The following SPAG17 variants were observed in gnomAD, a reference collection of about 807,000 sequenced individuals.
The protein encoded by SPAG17 is sperm-associated antigen 17.
SPAG17 carries 169 observed loss-of-function variants against 273.6 expected under a neutral mutation model. The observed-to-expected ratio is 0.62, with a 90% CI of 0.55 to 0.70. The LOEUF (loss-of-function observed/expected upper bound fraction) is 0.70. Ranked by LOEUF, SPAG17 falls within the 30% of genes least tolerant of loss-of-function variation. The pLI is 0.00. For missense variants in SPAG17, 2,557 were observed against 2,627.8 expected (o/e 0.97, Z 0.59); for synonymous variants, 825 against 873.2 (o/e 0.94, Z 0.97).
intron 30 of SPAG17, among the ~76,000 whole-genome samples, chr1:118,011,962 A>C (rs991030349): frequency 2.6e-5 from 4 of 151,850 alleles, no homozygotes; most frequent in East Asian, 1.9e-4. Context: ...CATATTATTT[A>C]TTATATATAT....
intron 23 of SPAG17, among the ~76,000 whole-genome samples, chr1:118,038,450 C>T (rs1190922704): frequency 6.6e-6 from 1 of 152,136 alleles, no homozygotes; most frequent in African/African-American, 2.4e-5. Context: ...AAACTTATGT[C>T]CACACACAAA....
At chr1:118,152,061 C>T (rs1659417219) in intron 1 of SPAG17, among the ~76,000 whole-genome samples, 1 of 152,140 alleles carries the variant, frequency 6.6e-6, no homozygotes, top group Admixed American at 6.6e-5. Flanking sequence ...TGGATTACCT[C>T]ACATTACCAA....
chr1:118,031,627 G>C, intron 25 of SPAG17, 65 bp downstream of exon 25: 1 of 1,512,156 alleles, frequency 6.6e-7, no homozygotes, highest in Non-Finnish European at 9.1e-7. Flanking sequence ...CATAAGTCAT[G>C]GTTTTAAAAA....
rs560156625 is a variant in SPAG17, at chr1:118,153,774, A to C, written c.88-2405T>G. On this transcript the variant is annotated intron_variant, in intron 1 of 48. Transcript: ENST00000336338. Reference sequence around the variant, plus strand: ...TGAGGCAGGAGAATGGCATGAACCCAGGAGGCAGTGCAGTGAGCTGAGATC... The same window carrying C: ...TGAGGCAGGAGAATGGCATGAACCCCGGAGGCAGTGCAGTGAGCTGAGATC... Among the ~76,000 whole-genome samples the C allele has an allele frequency of 5.4e-4, 82 of 152,240 alleles. 1 individual carries two copies. The South Asian group carries it at 9.7e-3, about 18-fold the overall frequency.
At chr1:118,069,769 G>C (rs1653388841) in intron 17 of SPAG17, among the ~76,000 whole-genome samples, 1 of 152,158 alleles carries the variant, frequency 6.6e-6, no homozygotes, top group Non-Finnish European at 1.5e-5. Flanking sequence ...GGAGGCTCCA[G>C]AGCCTTGAGG....
Position 118,175,861 on chromosome 1 carries a change from T to A in SPAG17, c.87+9210A>T, listed in dbSNP as rs193296287. Among the ~76,000 whole-genome samples the A allele has an allele frequency of 2.0e-3, 312 of 152,334 alleles. 6 individuals carry two copies. The highest frequency in any genetic ancestry group is 7.2e-3 in the African/African-American group (300 of 41,582). On this transcript the variant is annotated intron_variant, in intron 1 of 48. Coordinates refer to ENST00000336338, the MANE Select transcript of SPAG17 (RefSeq NM_206996.4). ...GTAATTATGGTGTGCAATCAGCTAATAATTCTAGTATGAAGCCCAAAACAC... is the reference window on the plus strand; with the variant it reads ...GTAATTATGGTGTGCAATCAGCTAAAAATTCTAGTATGAAGCCCAAAACAC...
At chr1:118,139,552 GGA>G (rs1231019487) in intron 3 of SPAG17, among the ~76,000 whole-genome samples, 2 of 152,070 alleles carry the variant, frequency 1.3e-5, no homozygotes, top group Non-Finnish European at 2.9e-5. Context: ...GCCAAGGTAT[GGA>G]ATCAATCTAA....
At chr1:118,094,067 G>A (rs1216168233) in intron 7 of SPAG17, among the ~76,000 whole-genome samples, 1 of 152,132 alleles carries the variant, frequency 6.6e-6, no homozygotes, top group East Asian at 1.9e-4. Context: ...CAAGAAGTAA[G>A]GTGGTATGAG....
At chr1:117,966,234 G>A (rs1409962841) in intron 47 of SPAG17, 1 of 161,406 alleles carries the variant, frequency 6.2e-6, no homozygotes, top group African/African-American at 2.4e-5. Context: ...CACTGATAAG[G>A]AGGAATGCAT....
At chr1:117,959,682 C>G in intron 48 of SPAG17, 1 of 353,872 alleles carries the variant, frequency 2.8e-6, no homozygotes, top group Non-Finnish European at 5.0e-6. Context: ...TCTGTGCTCT[C>G]AAAGCTTGAG....
chr1:118,176,737 T>C (rs1239006602), intron 1 of SPAG17, among the ~76,000 whole-genome samples: 5 of 152,168 alleles, frequency 3.3e-5, no homozygotes, highest in African/African-American at 1.2e-4. Context: ...ACTCAAATAC[T>C]GCAGAATATA....
At chr1:117,969,811 T>C (rs1004683483) in intron 46 of SPAG17, among the ~76,000 whole-genome samples, 1 of 152,224 alleles carries the variant, frequency 6.6e-6, no homozygotes, top group African/African-American at 2.4e-5. Context: ...ATTGTTTCTA[T>C]AGCTGGCAGT....
At chr1:118,039,574 T>C in intron 22 of SPAG17, 130 bp from the exon 23 acceptor site, 1 of 884,100 alleles carries the variant, frequency 1.1e-6, no homozygotes, top group Non-Finnish European at 1.8e-6. Context: ...ATGTTCTCAC[T>C]TAGGAATGGC....
At chr1:117,955,092 T>C (rs1651970954) in intron 48 of SPAG17, 2 of 453,248 alleles carry the variant, frequency 4.4e-6, no homozygotes, top group South Asian at 5.2e-5. Context: ...CTTCACCTTA[T>C]AGATAAGGAA....
At chr1:118,099,887 GC>G in intron 5 of SPAG17, 87 bp from the exon 6 acceptor site, 1 of 1,131,484 alleles carries the variant, frequency 8.8e-7, no homozygotes, top group Non-Finnish European at 1.3e-6. Context: ...TATACATTAT[GC>G]ATGCATTTAT....
At chr1:118,013,116 T>C (rs1037914384) in intron 29 of SPAG17, among the ~76,000 whole-genome samples, 2 of 152,234 alleles carry the variant, frequency 1.3e-5, no homozygotes, top group Non-Finnish European at 2.9e-5. Flanking sequence ...GGACTTCACC[T>C]CAGTGTTTGC....
At chr1:118,095,480 G>C (rs1427047824) in intron 7 of SPAG17, among the ~76,000 whole-genome samples, 1 of 152,182 alleles carries the variant, frequency 6.6e-6, no homozygotes, top group African/African-American at 2.4e-5. Context: ...GGGATCTCCT[G>C]TGTCTTGTTG....
chr1:118,096,158 C>T (rs1023563360), intron 7 of SPAG17, among the ~76,000 whole-genome samples: 2 of 152,160 alleles, frequency 1.3e-5, no homozygotes, highest in Non-Finnish European at 2.9e-5. Flanking sequence ...ACTACTTATT[C>T]AAGTCCTGTC....
intron 3 of SPAG17, among the ~76,000 whole-genome samples, chr1:118,130,725 G>A (rs1402011335): frequency 6.6e-6 from 1 of 152,150 alleles, no homozygotes; most frequent in African/African-American, 2.4e-5. Context: ...CCACCAGGAG[G>A]CCATGTCCAA....
Sources: gnomAD v4.1 joint callset for allele counts (sites outside exome capture counted in the v4.1 genomes callset) on GRCh38, gnomAD v4.1.1 for gene constraint, MANE v1.5 for transcripts, NCBI Gene and HGNC (gene_info 2026-07-23, HGNC 2026-07-21) for gene names.